Variants in HTR1E observed in about 807,000 individuals in gnomAD.
The protein encoded by HTR1E is 5-HT-1E.
HTR1E carries 3 observed loss-of-function variants against 3.4 expected under a neutral mutation model. The observed-to-expected ratio is 0.89, with a 90% confidence interval of 0.41 to 2.31. The LOEUF (loss-of-function observed/expected upper bound fraction) is 2.31, where lower values mean the gene tolerates loss of function less well. HTR1E is among the 30% of genes most tolerant of loss of function. HTR1E has a pLI of 0.05. For missense variants in HTR1E, 392 were observed against 467.0 expected (o/e 0.84, Z 1.48); for synonymous variants, 170 against 182.8 (o/e 0.93, Z 0.56).
At chr6:86,994,557 A>G (rs1333524470) in intron 1 of HTR1E, among the ~76,000 whole-genome samples, 1 of 152,160 alleles carries the variant, frequency 6.6e-6, no homozygotes, top group Non-Finnish European at 1.5e-5. Context: ...GAAGGATTCA[A>G]TACAGTCTTA....
At chr6:86,991,825 T>C (rs1767872845) in intron 1 of HTR1E, among the ~76,000 whole-genome samples, 2 of 152,318 alleles carry the variant, frequency 1.3e-5, no homozygotes, top group South Asian at 4.1e-4. Context: ...TGTTTAATAG[T>C]AGAATAGACT....
At position 86,947,417 on chromosome 6, in the gene HTR1E, A is replaced by G. The variant is rs534076384; in HGVS notation, c.-186+9594A>G. ...ATTGGCATAAATTTGGCAGATACAA[A>G]ACAAGTAAAGTTCAAACTCCTCCAC... On this transcript the variant is annotated intron_variant, in intron 1 of 1. Coordinates refer to ENST00000305344, the MANE Select transcript of HTR1E (RefSeq NM_000865.3). Among the ~76,000 whole-genome samples, 33 of 152,292 alleles carry G rather than the reference A, an allele frequency of 2.2e-4. 1 individual carries two copies. The highest frequency in any genetic ancestry group is 7.7e-4 in the African/African-American group (32 of 41,566).
At chr6:86,969,719 G>A (rs1767522077) in intron 1 of HTR1E, among the ~76,000 whole-genome samples, 1 of 152,156 alleles carries the variant, frequency 6.6e-6, no homozygotes, top group South Asian at 2.1e-4. Context: ...TGCTTCTGAT[G>A]GCACTGACTT....
chr6:87,010,534 C>T (rs1344873930), intron 1 of HTR1E, among the ~76,000 whole-genome samples: 1 of 144,816 alleles, frequency 6.9e-6, no homozygotes, highest in Non-Finnish European at 1.5e-5. Context: ...AGGCGCTCCC[C>T]ACATCTCAGA....
intron 1 of HTR1E, among the ~76,000 whole-genome samples, chr6:86,961,774 T>A (rs781382389): frequency 1.3e-5 from 2 of 152,254 alleles, no homozygotes; most frequent in Non-Finnish European, 2.9e-5. Context: ...CAAATATACA[T>A]GTGCACACAA....
chr6:86,996,681 G>A (rs1286873909), intron 1 of HTR1E, among the ~76,000 whole-genome samples: 3 of 151,784 alleles, frequency 2.0e-5, no homozygotes, highest in Non-Finnish European at 4.4e-5. Context: ...CTCAAAAAGC[G>A]TGAACTATTA....
intron 1 of HTR1E, among the ~76,000 whole-genome samples, chr6:86,978,569 ACT>A (rs1158090200): frequency 1.3e-5 from 2 of 151,958 alleles, no homozygotes; most frequent in African/African-American, 4.8e-5. Context: ...CTACTTCTGG[ACT>A]CTCTGTTATG....
chr6:86,971,455 G>C (rs1009309617), intron 1 of HTR1E, among the ~76,000 whole-genome samples: 3 of 152,072 alleles, frequency 2.0e-5, no homozygotes, highest in Non-Finnish European at 2.9e-5. Flanking sequence ...AAATAAAATT[G>C]TTTCATTTAG....
chr6:86,975,474 C>T (rs1767617148), intron 1 of HTR1E, among the ~76,000 whole-genome samples: 2 of 151,984 alleles, frequency 1.3e-5, no homozygotes, highest in African/African-American at 4.8e-5. Context: ...TCCCCTACCG[C>T]TCCATCTATA....
chr6:87,002,753 A>G lies in HTR1E; in HGVS notation c.-185-12397A>G, dbSNP rs145103271. Among the ~76,000 whole-genome samples, 870 of 152,324 alleles carry G rather than the reference A, an allele frequency of 5.7e-3. 8 individuals carry two copies. Among genetic ancestry groups the G allele is most frequent in the African/African-American group, 0.02 (815 of 41,560 alleles). On this transcript the variant is annotated intron_variant, in intron 1 of 1. Transcript: ENST00000305344. ...TTTATAATCCTCTAGCTAGGCAGAA[A>G]AGTTCTCCAAGTACCCACCTGACCC... is the stretch of plus-strand genomic sequence containing the variant.
chr6:86,980,345 C>A (rs1257889208), intron 1 of HTR1E, among the ~76,000 whole-genome samples: 2 of 150,814 alleles, frequency 1.3e-5, no homozygotes, highest in African/African-American at 4.9e-5. Context: ...CAAGATCGAG[C>A]CACTGCACTC....
chr6:86,967,150 C>T (rs2127821663), intron 1 of HTR1E, among the ~76,000 whole-genome samples: 1 of 152,158 alleles, frequency 6.6e-6, no homozygotes, highest in Non-Finnish European at 1.5e-5. Flanking sequence ...GATTATTATT[C>T]CTTTTGATGC....
intron 1 of HTR1E, among the ~76,000 whole-genome samples, chr6:86,951,750 C>T (rs927057502): frequency 1.3e-5 from 2 of 152,070 alleles, no homozygotes; most frequent in African/African-American, 4.8e-5. Context: ...ATATATATGT[C>T]TATTGAAATA....
intron 1 of HTR1E, among the ~76,000 whole-genome samples, chr6:87,010,491 G>A (rs1174809976): frequency 4.2e-5 from 6 of 141,708 alleles, no homozygotes; most frequent in South Asian, 2.4e-4. Flanking sequence ...GGGCAGAGGC[G>A]CTCCTCACAT....
chr6:86,998,939 G>A (rs1162163696), intron 1 of HTR1E, among the ~76,000 whole-genome samples: 5 of 151,962 alleles, frequency 3.3e-5, no homozygotes, highest in African/African-American at 1.2e-4. Flanking sequence ...TTTTGGGGGG[G>A]TTGTTTTTTT....
chr6:86,996,239 C>T (rs1164960235), intron 1 of HTR1E, among the ~76,000 whole-genome samples: 1 of 152,066 alleles, frequency 6.6e-6, no homozygotes, highest in African/African-American at 2.4e-5. Flanking sequence ...CTCAAAAGAA[C>T]TAAATTAACA....
At chr6:87,010,168 C>T (rs1318144197) in intron 1 of HTR1E, among the ~76,000 whole-genome samples, 8 of 79,466 alleles carry the variant, frequency 1.0e-4, no homozygotes, top group African/African-American at 1.7e-4. Context: ...CCGGACGGGG[C>T]GGCTGGCCGG....
intron 1 of HTR1E, among the ~76,000 whole-genome samples, chr6:86,997,731 C>G (rs1340649361): frequency 6.6e-6 from 1 of 151,604 alleles, no homozygotes; most frequent in Non-Finnish European, 1.5e-5. Context: ...AGATGGTAGA[C>G]TTAAACCAAA....
intron 1 of HTR1E, among the ~76,000 whole-genome samples, chr6:86,975,540 T>C (rs1425365454): frequency 6.6e-6 from 1 of 152,018 alleles, no homozygotes; most frequent in Non-Finnish European, 1.5e-5. Flanking sequence ...ACCCACCCCC[T>C]GTGATATCCT....
Sources: gnomAD v4.1 joint callset for allele counts (sites outside exome capture counted in the v4.1 genomes callset) on GRCh38, gnomAD v4.1.1 for gene constraint, MANE v1.5 for transcripts, NCBI Gene and HGNC (gene_info 2026-07-23, HGNC 2026-07-21) for gene names.